Variants in CDS2 observed in about 807,000 individuals in gnomAD.
CDS2 encodes phosphatidate cytidylyltransferase 2.
In CDS2, 47 loss-of-function variants were observed where a neutral mutation model predicts 59.0. The observed-to-expected ratio is 0.80, with a 90% CI of 0.63 to 1.02. The LOEUF is 1.02. CDS2 is among the 50% of genes least tolerant of loss of function. The pLI is 0.00. For synonymous variants in CDS2, 207 were observed against 206.4 expected (o/e 1.00, Z -0.02); for missense variants, 356 against 558.9 (o/e 0.64, Z 3.66).
At chr20:5,168,283 C>T (rs202170427) in intron 1 of CDS2, among the ~76,000 whole-genome samples, 18 of 151,824 alleles carry the variant, frequency 1.2e-4, no homozygotes, top group East Asian at 7.7e-4. Context: ...GGCGTGTTGG[C>T]GGGCACTTGT....
intron 7 of CDS2, among the ~76,000 whole-genome samples, chr20:5,183,958 C>A (rs572173444): frequency 7.4e-4 from 113 of 152,218 alleles, no homozygotes; most frequent in African/African-American, 2.6e-3. Context: ...GAGTTGAAGA[C>A]CGGCCTGGGC....
rs1383576945 is a variant in CDS2 at position 5,173,649 on chromosome 20, T to C, written c.184T>C (p.Leu62=). The part of the protein sequence containing the change: ...PEVLNRALSN[L]SSRWKNWWVR... The stretch of plus-strand genomic sequence containing the variant: ...GGTCCTCAATAGGGCCCTTTCCAAC[T>C]TGTCTTCAAGGTAACCTGGCTTAAT... Residue 62 remains leucine (L), a synonymous_variant, in exon 2 of 13, where the codon TTG becomes CTG. Coordinates refer to ENST00000460006, the MANE Select transcript of CDS2 (RefSeq NM_003818.4). 3 of 1,613,980 alleles carry C rather than the reference T, an allele frequency of 1.9e-6. No individual in the cohort carries two copies. The highest frequency in any genetic ancestry group is 2.5e-6 in the Non-Finnish European group (3 of 1,179,954).
chr20:5,143,790 A>C (rs1465516742), intron 1 of CDS2, among the ~76,000 whole-genome samples: 1 of 136,456 alleles, frequency 7.3e-6, no homozygotes, highest in East Asian at 2.1e-4. Context: ...TTTGAGACAG[A>C]GTCTTGCTCT....
chr20:5,129,975 T>G (rs1037905565), intron 1 of CDS2, among the ~76,000 whole-genome samples: 1 of 152,034 alleles, frequency 6.6e-6, no homozygotes, highest in African/African-American at 2.4e-5. Context: ...TTGGTTTGTT[T>G]TTTTGTTTTT....
rs6139645 is a variant in CDS2, at chr20:5,173,997, C to A, written c.194+338C>A. 2.0e-5 allele frequency among the ~76,000 whole-genome samples: 3 copies of A among 152,202 alleles called. No individual in the cohort carries two copies. The South Asian group carries it at 6.2e-4, about 32-fold the overall frequency. On this transcript the variant is annotated intron_variant, in intron 2 of 12. Transcript: ENST00000460006. Reference sequence around the variant, plus strand: ...ACACTGCACAGCACAGGAAACCAGCCTTGGGTTTGCGATTAATGGGCAGGC... The same window carrying A: ...ACACTGCACAGCACAGGAAACCAGCATTGGGTTTGCGATTAATGGGCAGGC...
At chr20:5,131,532 G>A (rs1420434804) in intron 1 of CDS2, among the ~76,000 whole-genome samples, 3 of 152,222 alleles carry the variant, frequency 2.0e-5, no homozygotes, top group Non-Finnish European at 2.9e-5. Flanking sequence ...GGAAGTTAGC[G>A]TATAGGTTCT....
At chr20:5,162,096 A>G (rs949143113) in intron 1 of CDS2, among the ~76,000 whole-genome samples, 31 of 152,238 alleles carry the variant, frequency 2.0e-4, no homozygotes, top group African/African-American at 6.5e-4. Context: ...AAGCTGCTGT[A>G]TACCATGAAA....
intron 1 of CDS2, among the ~76,000 whole-genome samples, chr20:5,143,993 G>T (rs2090718565): frequency 1.3e-5 from 2 of 151,918 alleles, no homozygotes. Context: ...TTGAACTGCT[G>T]GCCTCAAGTG....
At chr20:5,169,435 A>G (rs1018788580) in intron 1 of CDS2, among the ~76,000 whole-genome samples, 5 of 152,296 alleles carry the variant, frequency 3.3e-5, no homozygotes, top group African/African-American at 9.6e-5. Flanking sequence ...ATCATATCTC[A>G]GTGTAGTCTG....
intron 10 of CDS2, chr20:5,187,697 ATGGCGAAACCCCG>A (rs2091079793): frequency 6.6e-6 from 1 of 152,038 alleles, no homozygotes; most frequent in Non-Finnish European, 1.5e-5. Context: ...CCTGGGTAAC[ATGGCGAAACCCCG>A]TCTTTACTAA....
chr20:5,186,763 T>A lies in CDS2; in HGVS notation c.905T>A (p.Val302Glu). The change falls in exon 10 of 13, where the codon GTG becomes GAG. Residue 302 changes from valine (V) to glutamate (E), a missense_variant. Val to Glu is a moderately radical substitution (Grantham distance 121, BLOSUM62 -2). Around this residue, in one of 5 missense-constraint regions of CDS2, gnomAD observed 88 missense variants for 103.6 expected, o/e 0.85. Coordinates refer to ENST00000460006, the MANE Select transcript of CDS2 (RefSeq NM_003818.4). ...AACAATGACACCAACAGCTTCACTGTGGACTGTGAGCCCTCGGACCTGTTT... is the reference window on the plus strand; with the variant it reads ...AACAATGACACCAACAGCTTCACTGAGGACTGTGAGCCCTCGGACCTGTTT... The part of the protein sequence containing the change: ...EYNNDTNSFT[V>E]DCEPSDLFRL... 1 of 1,614,206 alleles carries A rather than the reference T, an allele frequency of 6.2e-7. No homozygotes were observed. Among genetic ancestry groups the A allele is most frequent in the Non-Finnish European group, 8.5e-7 (1 of 1,180,036 alleles).
chr20:5,152,278 TC>T (rs2122996306), intron 1 of CDS2, among the ~76,000 whole-genome samples: 1 of 152,246 alleles, frequency 6.6e-6, no homozygotes, highest in South Asian at 2.1e-4. Flanking sequence ...CTCTAAAGAA[TC>T]CCACCCTTTT....
At chr20:5,159,926 A>T (rs1174472243) in intron 1 of CDS2, among the ~76,000 whole-genome samples, 1 of 152,240 alleles carries the variant, frequency 6.6e-6, no homozygotes, top group Non-Finnish European at 1.5e-5. Flanking sequence ...TTAAAAATGA[A>T]GTAAAAACTC....
At position 5,187,350 on chromosome 20, in the gene CDS2, C is replaced by T. The variant is rs545557711; in HGVS notation, c.981+511C>T. The T allele has an allele frequency of 3.3e-4, 55 of 167,008 alleles. No individual in the cohort carries two copies. The East Asian group carries it at 5.4e-3, about 16-fold the overall frequency. The allele number at this position is 167,008 out of a possible 1,614,324, so 10.3% of individuals were successfully genotyped here. The stretch of plus-strand genomic sequence containing the variant: ...CCTTTGTACACACACCTTTTTAACA[C>T]TCTCTACTGAAATGGAAAGTATGTG... On this transcript the variant is annotated intron_variant, in intron 10 of 12. Transcript: ENST00000460006.
Position 5,161,560 on chromosome 20 carries a change from G to A in CDS2, c.58-11963G>A, listed in dbSNP as rs75156560. Among the ~76,000 whole-genome samples the A allele has an allele frequency of 1.7e-3, 259 of 152,364 alleles. 2 individuals carry two copies. Among genetic ancestry groups the A allele is most frequent in the African/African-American group, 6.0e-3 (250 of 41,594 alleles). ...CATTGATAACTGACACATACTTTGT[G>A]TAAGTAGTATAATCCAGTATAGACA... On this transcript the variant is annotated intron_variant, in intron 1 of 12. Transcript: ENST00000460006.
At position 5,192,158 on chromosome 20, in the gene CDS2, C is replaced by T. The variant is rs915435646; in HGVS notation, c.*1924C>T. The T allele has an allele frequency of 5.3e-5, 8 of 152,302 alleles. No homozygotes were observed. The highest frequency in any genetic ancestry group is 1.7e-4 in the African/African-American group (7 of 41,532). 9.4% of individuals were successfully genotyped at this position (152,302 alleles called of 1,614,324 possible). On this transcript the variant is annotated 3_prime_UTR_variant, in exon 13 of 13. Coordinates refer to ENST00000460006, the MANE Select transcript of CDS2 (RefSeq NM_003818.4). ...GAACCTGGATCACCAAACTAGATAC[C>T]GAAAGGGCTCCTCATTTGTCTCTTT...
At chr20:5,144,917 A>T (rs148732184) in intron 1 of CDS2, among the ~76,000 whole-genome samples, 2 of 152,136 alleles carry the variant, frequency 1.3e-5, no homozygotes, top group Non-Finnish European at 1.5e-5. Flanking sequence ...AGTTACTACT[A>T]TTGTGAGTGG....
intron 10 of CDS2, chr20:5,187,557 A>C (rs145592630): frequency 6.6e-5 from 10 of 152,288 alleles, no homozygotes; most frequent in African/African-American, 2.4e-4. Context: ...ATTTTTCTTG[A>C]AAAGGATGAA....
In CDS2 at chr20:5,190,195, C is replaced by G; in HGVS notation, c.1299C>G (p.Ile433Met). The G allele has an allele frequency of 6.2e-7, 1 of 1,614,032 alleles. No individual in the cohort carries two copies. The highest frequency in any genetic ancestry group is 8.5e-7 in the Non-Finnish European group (1 of 1,179,956). Residue 433 changes from isoleucine (I) to methionine (M), a missense_variant, in exon 13 of 13, where the codon ATC becomes ATG. Physicochemically the swap from Ile to Met is conservative, Grantham distance 10 (BLOSUM62 1). Around this residue, in one of 5 missense-constraint regions of CDS2, gnomAD observed 33 missense variants for 27.9 expected, o/e 1.18. Transcript: ENST00000460006. ...HIFNTLRSHL[I>M]DKGMLTSTTE... The stretch of plus-strand genomic sequence containing the variant: ...TCAACACGCTGCGGTCTCATCTGAT[C>G]GACAAAGGGATGCTGACATCCACCA...
Sources: allele counts gnomAD v4.1 joint callset (sites outside exome capture counted in the v4.1 genomes callset), GRCh38; gene constraint gnomAD v4.1.1; regional missense constraint gnomAD v4.1.1; transcripts MANE v1.5; gene names NCBI Gene and HGNC (gene_info 2026-07-23, HGNC 2026-07-21).